The following WDR47 variants were observed in gnomAD, a reference collection of about 807,000 sequenced individuals.
The protein encoded by WDR47 is WD repeat domain 47.
In WDR47, 32 loss-of-function variants were observed where a neutral mutation model predicts 97.2. The observed-to-expected ratio is 0.33, with a 90% confidence interval of 0.25 to 0.44. The LOEUF (loss-of-function observed/expected upper bound fraction) is 0.44. Ranked by LOEUF, WDR47 falls within the 20% of genes least tolerant of loss-of-function variation. The probability of loss-of-function intolerance (pLI) is 1.00; values close to 1 mark genes in which losing one functional copy is unlikely to be tolerated. For synonymous variants in WDR47, 375 were observed against 373.5 expected, an observed-to-expected ratio of 1.00 and a Z score of -0.05; for missense variants, 782 against 1,102.3, an observed-to-expected ratio of 0.71 and a Z score of 4.11.
rs1437489159 is a variant in WDR47 at position 108,970,841 on chromosome 1, TAAG to T, written c.*586_*588del. On this transcript the variant is annotated 3_prime_UTR_variant, in exon 15 of 15. Coordinates refer to ENST00000369962, the MANE Select transcript of WDR47 (RefSeq NM_001142551.2). ...AAAGGGCCTATACCATGTAGTAAAC[TAAG>T]AAGCAGTTTTTCATTCATCTTTAAA... 6.6e-6 allele frequency: 1 copy of T among 152,346 alleles called. No individual in the cohort carries two copies. The highest frequency in any genetic ancestry group is 6.5e-5 in the Admixed American group (1 of 15,280). The allele number at this position is 152,346 out of a possible 1,614,324, so 9.4% of individuals were successfully genotyped here.
intron 1 of WDR47, among the ~76,000 whole-genome samples, chr1:109,039,733 T>G (rs920945641): frequency 2.5e-4 from 38 of 152,132 alleles, no homozygotes; most frequent in Admixed American, 2.4e-3. Flanking sequence ...GGTTCAAGTC[T>G]TCTGTTCAAA....
intron 5 of WDR47, among the ~76,000 whole-genome samples, chr1:109,009,366 C>T (rs1660867808): frequency 6.6e-6 from 1 of 152,094 alleles, no homozygotes; most frequent in Admixed American, 6.6e-5. Flanking sequence ...TTTATTATTC[C>T]ATGCCAGGTT....
At chr1:108,982,550 G>A in intron 12 of WDR47, 59 bp downstream of exon 12, 1 of 1,523,910 alleles carries the variant, frequency 6.6e-7, no homozygotes, top group Non-Finnish European at 8.8e-7. Flanking sequence ...ATGCAGAGAG[G>A]AAAAAAAAGC....
chr1:108,978,435 C>T (rs1261053174), intron 13 of WDR47, among the ~76,000 whole-genome samples: 3 of 151,474 alleles, frequency 2.0e-5, no homozygotes, highest in African/African-American at 7.3e-5. Flanking sequence ...GCCGAGATTG[C>T]GCCACTGCAC....
intron 13 of WDR47, 38 bp downstream of exon 13, chr1:108,981,695 G>GT (rs772865475): frequency 2.0e-5 from 31 of 1,567,764 alleles, no homozygotes; most frequent in Admixed American, 3.9e-5. Flanking sequence ...AATTTACAAA[G>GT]TTTTTTTCCC....
intron 5 of WDR47, among the ~76,000 whole-genome samples, chr1:109,009,885 C>A (rs936242776): frequency 3.3e-5 from 5 of 151,984 alleles, no homozygotes; most frequent in Non-Finnish European, 7.4e-5. Flanking sequence ...GCAATCCCAG[C>A]TACTCAGGAG....
intron 1 of WDR47, among the ~76,000 whole-genome samples, chr1:109,034,300 C>G (rs1662789267): frequency 6.6e-6 from 1 of 152,180 alleles, no homozygotes; most frequent in African/African-American, 2.4e-5. Context: ...AATAAATAAA[C>G]TTAAATGTAG....
Position 109,011,094 on chromosome 1 carries a change from C to A in WDR47, c.952G>T (p.Asp318Tyr). Residue 318 changes from aspartate (D) to tyrosine (Y), a missense_variant, in exon 5 of 15, where the codon GAT becomes TAT. Around this residue, in one of 3 missense-constraint regions of WDR47, gnomAD observed 428 missense variants for 584.3 expected, o/e 0.73. Coordinates refer to ENST00000369962, the MANE Select transcript of WDR47 (RefSeq NM_001142551.2). ...YMTRSLNPAL[D>Y]GLTCGLTSHD... ...CTGGTTAGTCCACAGGTGAGGCCATCTAAAGCAGGATTCAGAGAGCGGGTC... is the reference window on the plus strand; with the variant it reads ...CTGGTTAGTCCACAGGTGAGGCCATATAAAGCAGGATTCAGAGAGCGGGTC... 1 of 1,614,086 alleles carries A rather than the reference C, an allele frequency of 6.2e-7. No homozygotes were observed. Among genetic ancestry groups the A allele is most frequent in the Non-Finnish European group, 8.5e-7 (1 of 1,180,030 alleles).
At chr1:108,995,961 A>G in intron 7 of WDR47, 124 bp from the exon 8 acceptor site, 3 of 1,006,082 alleles carry the variant, frequency 3.0e-6, no homozygotes, top group Non-Finnish European at 4.3e-6. Flanking sequence ...TGGCAAATTT[A>G]GTGTTAAAAA....
At chr1:108,984,716 A>G (rs995501454) in intron 10 of WDR47, among the ~76,000 whole-genome samples, 1 of 152,114 alleles carries the variant, frequency 6.6e-6, no homozygotes, top group African/African-American at 2.4e-5. Flanking sequence ...CGTCGCTACT[A>G]AAAATACAAA....
chr1:109,014,941 C>T (rs17838317), intron 3 of WDR47, among the ~76,000 whole-genome samples: 62,106 of 151,878 alleles, frequency 0.41, 13,128 homozygotes, highest in East Asian at 0.64. Flanking sequence ...AAACAAAATC[C>T]CTGCCTTCAA....
At chr1:109,040,055 A>AAAG (rs1663244545) in intron 1 of WDR47, among the ~76,000 whole-genome samples, 1 of 151,752 alleles carries the variant, frequency 6.6e-6, no homozygotes. Flanking sequence ...AAAAAAAAAA[A>AAAG]AAGGTAATCA....
intron 12 of WDR47, 107 bp from the exon 13 acceptor site, chr1:108,981,971 C>T (rs1658377961): frequency 4.8e-6 from 6 of 1,262,926 alleles, no homozygotes; most frequent in Non-Finnish European, 6.5e-6. Context: ...GCCTATAATC[C>T]CAGCTACTCA....
intron 1 of WDR47, among the ~76,000 whole-genome samples, chr1:109,039,386 T>C (rs1356694851): frequency 6.6e-6 from 1 of 152,034 alleles, no homozygotes; most frequent in Non-Finnish European, 1.5e-5. Context: ...GCCTCCCAAA[T>C]AGCTGGGATT....
chr1:108,979,482 G>A (rs1426303037), intron 13 of WDR47, among the ~76,000 whole-genome samples: 10 of 152,024 alleles, frequency 6.6e-5, no homozygotes, highest in Non-Finnish European at 1.3e-4. Flanking sequence ...CCATGACTGC[G>A]ACACTGCATT....
Position 108,974,811 on chromosome 1 carries a change from C to T in WDR47, c.2399-57G>A, listed in dbSNP as rs907867600. On this transcript the variant is annotated intron_variant, in intron 13 of 14. Transcript: ENST00000369962. ...GAAAATCAATATACCCAAATGGCAA[C>T]ACAGCTGATTATGTCCATTGAACCA... 1.5e-5 allele frequency: 19 copies of T among 1,302,728 alleles called. No individual in the cohort carries two copies. In the African/African-American group the frequency reaches 2.6e-4, roughly 18 times the overall value. The allele number at this position is 1,302,728 out of a possible 1,614,324, so 80.7% of individuals were successfully genotyped here.
intron 2 of WDR47, among the ~76,000 whole-genome samples, chr1:109,022,214 T>C (rs76377713): frequency 4.0e-3 from 613 of 152,250 alleles, no homozygotes; most frequent in African/African-American, 0.014. Context: ...AGATAAGGCA[T>C]GATTCTAAAT....
intron 1 of WDR47, among the ~76,000 whole-genome samples, chr1:109,034,538 C>T (rs765010783): frequency 3.3e-5 from 5 of 152,166 alleles, no homozygotes; most frequent in Non-Finnish European, 5.9e-5. Flanking sequence ...AACTGAGCTG[C>T]ACAGCAGGAG....
intron 8 of WDR47, chr1:108,992,445 AAC>A: frequency 6.3e-7 from 1 of 1,593,220 alleles, no homozygotes; most frequent in South Asian, 1.1e-5. Flanking sequence ...ACTTTACAGA[AAC>A]AGTGTGTACC....
Sources: allele counts gnomAD v4.1 joint callset (sites outside exome capture counted in the v4.1 genomes callset), GRCh38; gene constraint gnomAD v4.1.1; regional missense constraint gnomAD v4.1.1; transcripts MANE v1.5; gene names NCBI Gene and HGNC (gene_info 2026-07-23, HGNC 2026-07-21).